Variants in RELN observed in about 807,000 individuals in gnomAD.
The protein encoded by RELN is reelin.
In RELN, 108 loss-of-function variants were observed where a neutral mutation model predicts 427.6. The ratio of observed to expected loss-of-function variants is 0.25; its 90% CI spans 0.22 to 0.30. The LOEUF (loss-of-function observed/expected upper bound fraction) is 0.30, where lower values mean the gene tolerates loss of function less well. Among genes scored for constraint, RELN ranks in the 10% least tolerant of loss-of-function variants. The pLI, the probability that RELN is intolerant of heterozygous loss-of-function variation, is 1.00. For synonymous variants in RELN, 1,524 were observed against 1,513.4 expected (o/e 1.01, Z -0.16); for missense variants, 3,715 against 4,302.8 (o/e 0.86, Z 3.82).
chr7:103,637,018 T>A (rs1343735659), intron 17 of RELN, among the ~76,000 whole-genome samples: 2 of 152,334 alleles, frequency 1.3e-5, no homozygotes, highest in East Asian at 3.9e-4. Context: ...AGCAGAACTG[T>A]GTTGCCTCTC....
At chr7:103,598,720 T>C (rs974032205) in intron 24 of RELN, among the ~76,000 whole-genome samples, 3 of 152,148 alleles carry the variant, frequency 2.0e-5, no homozygotes, top group African/African-American at 7.2e-5. Context: ...ACTGAAAGTG[T>C]TTTTTCCTAG....
chr7:103,919,300 T>C (rs1327749823), intron 1 of RELN, among the ~76,000 whole-genome samples: 2 of 152,044 alleles, frequency 1.3e-5, no homozygotes, highest in Non-Finnish European at 2.9e-5. Flanking sequence ...TCTCTTAACA[T>C]GCAGACCATT....
At chr7:103,863,813 C>T (rs1032133329) in intron 2 of RELN, among the ~76,000 whole-genome samples, 8 of 149,644 alleles carry the variant, frequency 5.3e-5, no homozygotes, top group Non-Finnish European at 1.0e-4. Context: ...AAATCCTTTG[C>T]AATCAATTTT....
chr7:103,722,553 T>C (rs573810000), intron 8 of RELN, among the ~76,000 whole-genome samples: 3 of 152,204 alleles, frequency 2.0e-5, no homozygotes, highest in African/African-American at 7.2e-5. Context: ...GGTAATAGAA[T>C]AGACAGCAGA....
In RELN at chr7:103,490,728, G is replaced by A; in HGVS notation, c.9545C>T (p.Ser3182Phe). 6.2e-7 allele frequency: 1 copy of A among 1,614,230 alleles called. No homozygotes were observed. Among genetic ancestry groups the A allele is most frequent in the Admixed American group, 1.7e-5 (1 of 60,026 alleles). The change falls in exon 59 of 65, where the codon TCT (serine) becomes TTT (phenylalanine). Residue 3182 changes from serine (S) to phenylalanine (F), a missense_variant. Around this residue, in one of 4 missense-constraint regions of RELN, gnomAD observed 1,310 missense variants for 1,643.0 expected, o/e 0.80. Coordinates refer to ENST00000428762, the MANE Select transcript of RELN (RefSeq NM_005045.4). ...TCTTTTCCAGCTTGAGCTGTTGACA[G>A]AGTTGTAGATGGTGGCTTCATGGAA... ...FQFHEATIYNSVNSSSWKRIT... is the reference protein window; with the variant it reads ...FQFHEATIYNFVNSSSWKRIT...
Position 103,791,782 on chromosome 7 carries a change from T to A in RELN, c.474-15155A>T, listed in dbSNP as rs1792167637. 3.1e-4 allele frequency among the ~76,000 whole-genome samples: 4 copies of A among 13,084 alleles called. No homozygotes were observed. The South Asian group carries it at 8.3e-3, about 27-fold the overall frequency. The allele number at this position is 13,084 out of a possible 152,430, so 8.6% of individuals were successfully genotyped here. The stretch of plus-strand genomic sequence containing the variant: ...CAAAGGATACCATTTAAAAAGTTTT[T>A]AAAAAAAAAGACCCACAGAATGAGA... On this transcript the variant is annotated intron_variant, in intron 3 of 64. Transcript: ENST00000428762.
chr7:103,795,189 G>GA (rs927206955), intron 3 of RELN, among the ~76,000 whole-genome samples: 3 of 152,178 alleles, frequency 2.0e-5, no homozygotes, highest in Non-Finnish European at 4.4e-5. Context: ...GGGCAAAAGA[G>GA]AAAAGAAAGA....
intron 2 of RELN, among the ~76,000 whole-genome samples, chr7:103,903,173 T>C (rs553028708): frequency 3.2e-4 from 48 of 152,046 alleles, no homozygotes; most frequent in Non-Finnish European, 5.3e-4. Context: ...TATACTTCAA[T>C]CCTGTCTCCT....
chr7:103,662,007 T>G (rs1833154749), intron 11 of RELN, among the ~76,000 whole-genome samples: 1 of 152,194 alleles, frequency 6.6e-6, no homozygotes, highest in African/African-American at 2.4e-5. Flanking sequence ...GGAGATGGGA[T>G]TTAAACTGGG....
chr7:103,595,375 T>C (rs1044610178), intron 25 of RELN, among the ~76,000 whole-genome samples: 3 of 152,194 alleles, frequency 2.0e-5, no homozygotes, highest in Admixed American at 6.5e-5. Context: ...TTTCATCCAG[T>C]TGCCTTTTTT....
chr7:103,546,650 C>G (rs1830303455), intron 41 of RELN, among the ~76,000 whole-genome samples: 1 of 152,142 alleles, frequency 6.6e-6, no homozygotes, highest in Non-Finnish European at 1.5e-5. Flanking sequence ...GTGTCTATTT[C>G]CTCTATTGGC....
rs1584425005 is a variant in RELN, at chr7:103,988,639, C to G, written c.226+492G>C. ...TGGCTGGTGAGCAGCGGGAACTTTG[C>G]GGTCGAGCGGCGCGGGGCAGCCACA... On this transcript the variant is annotated intron_variant, in intron 1 of 64. Coordinates refer to ENST00000428762, the MANE Select transcript of RELN (RefSeq NM_005045.4). This position sits in a 1 kb window ranked among gnomAD's most constrained non-coding sequence, Gnocchi z 4.9. 6.6e-6 allele frequency among the ~76,000 whole-genome samples: 1 copy of G among 152,188 alleles called. No individual in the cohort carries two copies. Among genetic ancestry groups the G allele is most frequent in the Non-Finnish European group, 1.5e-5 (1 of 68,038 alleles).
intron 2 of RELN, among the ~76,000 whole-genome samples, chr7:103,845,875 A>G (rs1793661335): frequency 6.6e-6 from 1 of 151,776 alleles, no homozygotes; most frequent in Non-Finnish European, 1.5e-5. Flanking sequence ...AAGAGAGGAC[A>G]CAAACAAATG....
chr7:103,523,662 A>G (rs1344573071), intron 46 of RELN, 131 bp from the exon 47 acceptor site: 2 of 877,226 alleles, frequency 2.3e-6, no homozygotes, highest in Non-Finnish European at 3.6e-6. Context: ...TGAAAAGAAC[A>G]TTCATTATTA....
At chr7:103,537,689 C>T (rs79873457) in intron 45 of RELN, among the ~76,000 whole-genome samples, 1 of 152,312 alleles carries the variant, frequency 6.6e-6, no homozygotes, top group African/African-American at 2.4e-5. Context: ...AGAGTCTAGA[C>T]TGTTTTCAAA....
chr7:103,545,267 T>C lies in RELN; in HGVS notation c.6380A>G (p.Tyr2127Cys), dbSNP rs1356424122. 1 of 1,613,942 alleles carries C rather than the reference T, an allele frequency of 6.2e-7. No individual in the cohort carries two copies. The highest frequency in any genetic ancestry group is 8.5e-7 in the Non-Finnish European group (1 of 1,179,914). ...QPVTWAIDNV[Y>C]IGPQCEEMCN... The stretch of plus-strand genomic sequence containing the variant: ...CATCTCCTCACACTGGGGACCGATG[T>C]AGACATTATCAATGGCCCATGTCAC... The change falls in exon 42 of 65, where the codon TAC becomes TGC. Residue 2127 changes from tyrosine (Y) to cysteine (C), a missense_variant. By Grantham distance (194) the Tyr-to-Cys change is radical (BLOSUM62 -2). This residue lies in a region of RELN where 1,310 missense variants were observed against 1,643.0 expected (regional missense o/e 0.80). Coordinates refer to ENST00000428762, the MANE Select transcript of RELN (RefSeq NM_005045.4).
Position 103,575,837 on chromosome 7 carries a change from T to C in RELN, c.4146-132A>G, listed in dbSNP as rs551557009. ...AAAGTCATGTCTGCTTGACTGCACTTAACCTTCATAAGCTGTCTCTCAGAC... is the reference window on the plus strand; with the variant it reads ...AAAGTCATGTCTGCTTGACTGCACTCAACCTTCATAAGCTGTCTCTCAGAC... On this transcript the variant is annotated intron_variant, in intron 28 of 64. Coordinates refer to ENST00000428762, the MANE Select transcript of RELN (RefSeq NM_005045.4). The C allele has an allele frequency of 6.2e-6, 6 of 966,760 alleles. No homozygotes were observed. The African/African-American group carries it at 8.0e-5, about 13-fold the overall frequency. 59.9% of individuals were successfully genotyped at this position (966,760 alleles called of 1,614,324 possible).
intron 6 of RELN, among the ~76,000 whole-genome samples, chr7:103,746,488 G>A (rs1265372188): frequency 2.0e-5 from 3 of 151,674 alleles, no homozygotes; most frequent in Admixed American, 6.6e-5. Context: ...GCAACCTACA[G>A]AATGGGAGAA....
At chr7:103,486,637 C>CA (rs1175254182) in intron 60 of RELN, among the ~76,000 whole-genome samples, 6 of 151,210 alleles carry the variant, frequency 4.0e-5, no homozygotes, top group Non-Finnish European at 5.9e-5. Flanking sequence ...TTTATGTGGC[C>CA]AACAAACATA....
Sources: allele counts gnomAD v4.1 joint callset (sites outside exome capture counted in the v4.1 genomes callset), GRCh38; gene constraint gnomAD v4.1.1; regional missense constraint gnomAD v4.1.1; non-coding constraint Gnocchi (gnomAD v3.1); transcripts MANE v1.5; gene names NCBI Gene and HGNC (gene_info 2026-07-23, HGNC 2026-07-21).